DOCK6: variants seen among roughly 807,000 people sequenced by gnomAD.
DOCK6 encodes dedicator of cytokinesis 6.
In DOCK6, 167 loss-of-function variants were observed where a neutral mutation model predicts 230.3. The ratio of observed to expected loss-of-function variants is 0.73; its 90% CI spans 0.64 to 0.82. DOCK6 has a LOEUF of 0.82. DOCK6 is among the 40% of genes least tolerant of loss of function. The pLI is 0.00. For missense variants in DOCK6, 2,598 were observed against 2,825.8 expected, an observed-to-expected ratio of 0.92 and a Z score of 1.83; for synonymous variants, 1,148 against 1,185.0, an observed-to-expected ratio of 0.97 and a Z score of 0.64.
intron 13 of DOCK6, 94 bp from the exon 14 acceptor site, chr19:11,242,301 A>G: frequency 2.4e-6 from 3 of 1,244,774 alleles, no homozygotes; most frequent in Non-Finnish European, 3.1e-6. Flanking sequence ...CTCTCCCATG[A>G]TGTTCTCTGG....
At chr19:11,260,882 C>CAACAAAAAAAAAAA (rs2080273602) in intron 1 of DOCK6, among the ~76,000 whole-genome samples, 1 of 61,758 alleles carries the variant, frequency 1.6e-5, no homozygotes, top group African/African-American at 7.0e-5. Flanking sequence ...GACTCTGTCT[C>CAACAAAAAAAAAAA]AAAAAAAAAA....
intron 24 of DOCK6, among the ~76,000 whole-genome samples, chr19:11,225,227 CAA>C (rs967067762): frequency 2.0e-5 from 3 of 148,346 alleles, no homozygotes; most frequent in African/African-American, 7.4e-5. Context: ...GACTCCATCT[CAA>C]AAAAAAAAGT....
chr19:11,242,927 G>A (rs2079969412), intron 13 of DOCK6, 132 bp downstream of exon 13: 2 of 999,282 alleles, frequency 2.0e-6, no homozygotes, highest in East Asian at 2.5e-5. Context: ...GCCAGCCCCT[G>A]AGGTCAGGGA....
Position 11,201,112 on chromosome 19 carries a change from C to T in DOCK6, c.5689-60G>A. On this transcript the variant is annotated intron_variant, in intron 44 of 47. Transcript: ENST00000294618. The surrounding 1 kb of genome is among the most constrained non-coding windows in gnomAD (Gnocchi z 4.3). ...GGCCTGAGGAGGTCCTGATCGAAGCCAGTCGGGGGCAGCTCAGACCCCGCT... is the reference window on the plus strand; with the variant it reads ...GGCCTGAGGAGGTCCTGATCGAAGCTAGTCGGGGGCAGCTCAGACCCCGCT... 6.3e-7 allele frequency: 1 copy of T among 1,588,312 alleles called. No individual in the cohort carries two copies.
At position 11,209,952 on chromosome 19, in the gene DOCK6, C is replaced by T. The variant is rs560785128; in HGVS notation, c.4752-849G>A. Among the ~76,000 whole-genome samples the T allele has an allele frequency of 1.8e-4, 25 of 137,268 alleles. No individual in the cohort carries two copies. In the East Asian group the frequency reaches 5.9e-3, roughly 33 times the overall value. 90.1% of individuals were successfully genotyped at this position (137,268 alleles called of 152,430 possible). A position where few individuals can be genotyped will look rare whatever the true frequency, so the allele number is the denominator to read the frequency against. On this transcript the variant is annotated intron_variant, in intron 37 of 47. Coordinates refer to ENST00000294618, the MANE Select transcript of DOCK6 (RefSeq NM_020812.4). ...CTGTCTATCCCCTTACCTGTCCACC[C>T]TCTCACCTGCCCGCCCTCACCTGTC...
intron 37 of DOCK6, among the ~76,000 whole-genome samples, chr19:11,210,028 C>T (rs1260317457): frequency 2.1e-5 from 3 of 144,772 alleles, no homozygotes; most frequent in Non-Finnish European, 3.0e-5. Flanking sequence ...ACCTGTCCAC[C>T]GTCTCACCTG....
chr19:11,199,576 G>A (rs1425348125), intron 47 of DOCK6, 37 bp from the exon 48 acceptor site: 1 of 1,560,820 alleles, frequency 6.4e-7, no homozygotes, highest in Non-Finnish European at 8.7e-7. Context: ...CATGGCCATG[G>A]GGCCCCCAAC....
chr19:11,214,737 G>A, intron 32 of DOCK6, 88 bp from the exon 33 acceptor site: 1 of 1,246,096 alleles, frequency 8.0e-7, no homozygotes, highest in Non-Finnish European at 1.1e-6. Context: ...GCAGCCCAGG[G>A]GGCACTGGCT....
chr19:11,229,373 A>G, intron 22 of DOCK6: 2 of 1,115,020 alleles, frequency 1.8e-6, no homozygotes, highest in Non-Finnish European at 2.2e-6. Flanking sequence ...AGGCTCGGCT[A>G]GAGTTGCAGT....
chr19:11,243,038 T>A lies in DOCK6; in HGVS notation c.1480+21A>T. 6.2e-7 allele frequency: 1 copy of A among 1,613,218 alleles called. No homozygotes were observed. On this transcript the variant is annotated intron_variant, in intron 13 of 47. Coordinates refer to ENST00000294618, the MANE Select transcript of DOCK6 (RefSeq NM_020812.4). This position sits in a 1 kb window ranked among gnomAD's most constrained non-coding sequence, Gnocchi z 6.3. Reference sequence around the variant, plus strand: ...GGCTGAGTGAGAGTGATACTTCTTGTGTATGGGGTGTGCCACGCACCAGTC... The same window carrying A: ...GGCTGAGTGAGAGTGATACTTCTTGAGTATGGGGTGTGCCACGCACCAGTC...
chr19:11,259,092 C>T (rs1190728979), intron 1 of DOCK6, among the ~76,000 whole-genome samples: 1 of 152,016 alleles, frequency 6.6e-6, no homozygotes, highest in Non-Finnish European at 1.5e-5. Context: ...CACTCTGTCA[C>T]TCAGGCTGGA....
At chr19:11,241,532 C>T (rs747781883) in intron 14 of DOCK6, 44 of 1,552,724 alleles carry the variant, frequency 2.8e-5, no homozygotes, top group South Asian at 4.8e-5. Flanking sequence ...ACAGCAGCAT[C>T]GGCTGCGACA....
intron 9 of DOCK6, among the ~76,000 whole-genome samples, chr19:11,244,508 G>A (rs1303134340): frequency 8.2e-6 from 1 of 121,458 alleles, no homozygotes; most frequent in South Asian, 2.9e-4. Flanking sequence ...TCACCCAGAC[G>A]GAAGTGCAAT....
At position 11,253,659 on chromosome 19, in the gene DOCK6, G is replaced by T; in HGVS notation, c.112C>A (p.Arg38Ser). The T allele has an allele frequency of 1.4e-6, 2 of 1,453,226 alleles. No homozygotes were observed. The highest frequency in any genetic ancestry group is 2.9e-5 in the East Asian group (1 of 34,182). The allele number at this position is 1,453,226 out of a possible 1,614,324, so 90.0% of individuals were successfully genotyped here. A position where few individuals can be genotyped will look rare whatever the true frequency, so the allele number is the denominator to read the frequency against. The change falls in exon 2 of 48, where the codon CGC becomes AGC. Residue 38 changes from arginine to serine, a missense_variant. Arg to Ser is a moderately radical substitution (Grantham distance 110). Transcript: ENST00000294618. ...CTTACCCCCAGGGAGCTGCTGCAGC[G>T]CCTGCTGGAGTGGGGGGAGCCACTG... ...ERSGSPHSSR[R>S]CSSSLGVPLT...
Position 11,200,835 on chromosome 19 carries a change from A to C in DOCK6, c.5833-13T>G. On this transcript the variant is annotated splice_polypyrimidine_tract_variant and intron_variant, in intron 45 of 47. Coordinates refer to ENST00000294618, the MANE Select transcript of DOCK6 (RefSeq NM_020812.4). This position sits in a 1 kb window ranked among gnomAD's most constrained non-coding sequence, Gnocchi z 4.3. ...CCTCCAGGGGACCCTGTGGGGTGAG[A>C]GGGACTGGTGAGCCAGCCTGCATGG... 6.2e-7 allele frequency: 1 copy of C among 1,612,594 alleles called. No homozygotes were observed. Among genetic ancestry groups the C allele is most frequent in the Non-Finnish European group, 8.5e-7 (1 of 1,178,854 alleles).
Position 11,243,838 on chromosome 19 carries a change from C to T in DOCK6, c.1068G>A (p.Glu356=), listed in dbSNP as rs73925150. 2 of 1,612,964 alleles carry T rather than the reference C, an allele frequency of 1.2e-6. No homozygotes were observed. The stretch of plus-strand genomic sequence containing the variant: ...CCACTTCTTTCAACACCATGTAAGG[C>T]TCACAGCACTCACTGATGTCCCCTT... ...LQQGDISECC[E]PYMVLKEVDT... Residue 356 remains glutamate, a synonymous_variant, in exon 10 of 48, where the codon GAG becomes GAA. Coordinates refer to ENST00000294618, the MANE Select transcript of DOCK6 (RefSeq NM_020812.4). This position sits in a 1 kb window ranked among gnomAD's most constrained non-coding sequence, Gnocchi z 6.3.
At position 11,201,785 on chromosome 19, in the gene DOCK6, G is replaced by C. The variant is rs2079171875; in HGVS notation, c.5688+104C>G. The stretch of plus-strand genomic sequence containing the variant: ...ACCCCTCTCTGGGTCTGAGGTCCGT[G>C]AACCACCTTGGGTCTGGGTCCCTGT... On this transcript the variant is annotated intron_variant, in intron 44 of 47. Transcript: ENST00000294618. The surrounding 1 kb of genome is among the most constrained non-coding windows in gnomAD (Gnocchi z 4.3). 1 of 1,139,644 alleles carries C rather than the reference G, an allele frequency of 8.8e-7. No individual in the cohort carries two copies. Among genetic ancestry groups the C allele is most frequent in the African/African-American group, 1.5e-5 (1 of 65,242 alleles). The allele number at this position is 1,139,644 out of a possible 1,614,324, so 70.6% of individuals were successfully genotyped here.
In DOCK6 at chr19:11,199,458, G is replaced by A. The variant is rs199878414; in HGVS notation, c.*39C>T. The A allele has an allele frequency of 6.4e-7, 1 of 1,561,276 alleles. No homozygotes were observed. Among genetic ancestry groups the A allele is most frequent in the Non-Finnish European group, 8.7e-7 (1 of 1,152,310 alleles). On this transcript the variant is annotated 3_prime_UTR_variant, in exon 48 of 48. Coordinates refer to ENST00000294618, the MANE Select transcript of DOCK6 (RefSeq NM_020812.4). ...CGCAGCACAGACAGCTGAGGCCCGG[G>A]TGCTGGTTCCTCTAGGTACAGCTTT...
At position 11,245,707 on chromosome 19, in the gene DOCK6, C is replaced by A; in HGVS notation, c.879G>T (p.Ser293=). The change falls in exon 9 of 48, where the codon TCG becomes TCT. Residue 293 remains serine (S), a synonymous_variant. Coordinates refer to ENST00000294618, the MANE Select transcript of DOCK6 (RefSeq NM_020812.4). ...LYDVREKKKI[S]ENFYFDLNSD... ...AGTTCAGGTCGAAGTAGAAGTTCTC[C>A]GAGATCTGGGGACACCAGAGGCAGC... The A allele has an allele frequency of 6.2e-7, 1 of 1,603,708 alleles. No homozygotes were observed. The highest frequency in any genetic ancestry group is 2.2e-5 in the East Asian group (1 of 44,718).
Sources: allele counts gnomAD v4.1 joint callset (sites outside exome capture counted in the v4.1 genomes callset), GRCh38; gene constraint gnomAD v4.1.1; non-coding constraint Gnocchi (gnomAD v3.1); transcripts MANE v1.5; gene names NCBI Gene and HGNC (gene_info 2026-07-23, HGNC 2026-07-21).